The following TBPL1 variants were observed in gnomAD, a reference collection of about 807,000 sequenced individuals.
TBPL1 encodes TATA-box binding protein like 1.
TBPL1 carries 4 observed loss-of-function variants against 22.1 expected under a neutral mutation model. The ratio of observed to expected loss-of-function variants is 0.18; its 90% CI spans 0.09 to 0.41. The LOEUF is 0.41. Among genes scored for constraint, TBPL1 ranks in the 10% least tolerant of loss-of-function variants. The pLI is 1.00. For missense variants in TBPL1, 115 were observed against 222.3 expected, an observed-to-expected ratio of 0.52 and a Z score of 3.07; for synonymous variants, 64 against 71.0, an observed-to-expected ratio of 0.90 and a Z score of 0.50.
rs191921158 is a variant in TBPL1 at position 133,958,852 on chromosome 6, G to T, written c.-45+5427G>T. Among the ~76,000 whole-genome samples the T allele has an allele frequency of 4.6e-5, 7 of 152,162 alleles. No homozygotes were observed. In the East Asian group the frequency reaches 5.8e-4, roughly 13 times the overall value. ...ATAATTCCTTCTTCCATGTTGTGCT[G>T]GTTTTGTTTATTTGTTTCAGCTGGT... On this transcript the variant is annotated intron_variant, in intron 1 of 6. Transcript: ENST00000237264.
intron 1 of TBPL1, among the ~76,000 whole-genome samples, chr6:133,975,604 G>C (rs952471375): frequency 6.6e-6 from 1 of 152,046 alleles, no homozygotes; most frequent in Non-Finnish European, 1.5e-5. Flanking sequence ...ATACAAGAAA[G>C]GAAGAGTATA....
intron 1 of TBPL1, among the ~76,000 whole-genome samples, chr6:133,967,155 T>C (rs1776134333): frequency 6.6e-6 from 1 of 152,220 alleles, no homozygotes; most frequent in Admixed American, 6.5e-5. Context: ...ATCTGCTGTT[T>C]CCTGAACCGA....
At chr6:133,986,669 T>C (rs528873758) in intron 6 of TBPL1, among the ~76,000 whole-genome samples, 2 of 152,354 alleles carry the variant, frequency 1.3e-5, no homozygotes, top group South Asian at 4.1e-4. Context: ...TCCTTTCATG[T>C]ACATATTATA....
At chr6:133,976,147 CTT>C (rs931561379) in intron 1 of TBPL1, among the ~76,000 whole-genome samples, 10 of 152,192 alleles carry the variant, frequency 6.6e-5, no homozygotes, top group Admixed American at 5.2e-4. Context: ...ATCGTTAACT[CTT>C]TTGCATTCAG....
chr6:133,959,435 G>A (rs1775983134), intron 1 of TBPL1, among the ~76,000 whole-genome samples: 1 of 152,100 alleles, frequency 6.6e-6, no homozygotes, highest in South Asian at 2.1e-4. Flanking sequence ...ACAAAGTTCT[G>A]TCTAACACAT....
At chr6:133,986,907 T>C in intron 6 of TBPL1, 54 bp from the exon 7 acceptor site, 2 of 1,267,046 alleles carry the variant, frequency 1.6e-6, no homozygotes, top group South Asian at 1.4e-5. Flanking sequence ...CAGTTTTTCC[T>C]AGTGCTCCCT....
intron 1 of TBPL1, among the ~76,000 whole-genome samples, chr6:133,964,675 C>T (rs1015098680): frequency 1.3e-5 from 2 of 152,060 alleles, no homozygotes; most frequent in African/African-American, 4.8e-5. Context: ...GTCTCGATCT[C>T]CTGACCTCGT....
At chr6:133,981,116 G>A (rs1014572977) in intron 2 of TBPL1, among the ~76,000 whole-genome samples, 1 of 151,920 alleles carries the variant, frequency 6.6e-6, no homozygotes, top group Non-Finnish European at 1.5e-5. Context: ...AGGATTACAG[G>A]TGCACACCAC....
At position 133,990,050 on chromosome 6, in the gene TBPL1, GAAGT is replaced by G. The variant is rs200398397; in HGVS notation, c.*3014_*3017del. ...TAACAAGTCTTTAAAATCAACTGGA[GAAGT>G]AAGAGAACAGTTCATCGTTGTGTGG... On this transcript the variant is annotated 3_prime_UTR_variant, in exon 7 of 7. Transcript: ENST00000237264. The G allele has an allele frequency of 8.2e-3, 1,254 of 152,744 alleles. 34 individuals are homozygous for G. The highest frequency in any genetic ancestry group is 0.061 in the Admixed American group (935 of 15,306). The allele number at this position is 152,744 out of a possible 1,614,324, so 9.5% of individuals were successfully genotyped here.
chr6:133,968,133 C>T (rs866826065), intron 1 of TBPL1, among the ~76,000 whole-genome samples: 7 of 151,798 alleles, frequency 4.6e-5, no homozygotes, highest in Non-Finnish European at 8.8e-5. Context: ...GGACTACAGG[C>T]GCGTGCCACC....
chr6:133,973,817 C>T (rs1043240369), intron 1 of TBPL1, among the ~76,000 whole-genome samples: 7 of 152,092 alleles, frequency 4.6e-5, no homozygotes, highest in African/African-American at 1.7e-4. Flanking sequence ...ACAAATCACA[C>T]TAAGCCATTT....
chr6:133,975,658 A>G (rs1776300899), intron 1 of TBPL1, among the ~76,000 whole-genome samples: 2 of 152,246 alleles, frequency 1.3e-5, no homozygotes. Flanking sequence ...AGCAAACCAG[A>G]TTCATCAATA....
chr6:133,961,268 T>G (rs1562655929), intron 1 of TBPL1, among the ~76,000 whole-genome samples: 1 of 152,100 alleles, frequency 6.6e-6, no homozygotes, highest in Non-Finnish European at 1.5e-5. Flanking sequence ...TGCCAGCAAT[T>G]CAGCCAAGTT....
chr6:133,953,113 G>C (rs1775862351), upstream of TBPL1: 1 of 152,342 alleles, frequency 6.6e-6, no homozygotes, highest in Non-Finnish European at 1.5e-5. Context: ...GAAATGAGTG[G>C]CTAGCGAGGC....
At position 133,956,279 on chromosome 6, in the gene TBPL1, A is replaced by G. The variant is rs1233305931; in HGVS notation, c.-45+2854A>G. ...ATTTTAGCTGTATTGTGACATTCGAACTAATAAAGATTCCCTGAAACTTAA... is the reference window on the plus strand; with the variant it reads ...ATTTTAGCTGTATTGTGACATTCGAGCTAATAAAGATTCCCTGAAACTTAA... On this transcript the variant is annotated intron_variant, in intron 1 of 6. Coordinates refer to ENST00000237264, the MANE Select transcript of TBPL1 (RefSeq NM_004865.4). Among the ~76,000 whole-genome samples the G allele has an allele frequency of 2.2e-4, 33 of 152,180 alleles. 1 individual carries two copies. Among genetic ancestry groups the G allele is most frequent in the Non-Finnish European group, 7.4e-5 (5 of 68,022 alleles).
At position 133,982,800 on chromosome 6, in the gene TBPL1, T is replaced by C; in HGVS notation, c.219-17T>C. 1.2e-6 allele frequency: 2 copies of C among 1,606,854 alleles called. No homozygotes were observed. The highest frequency in any genetic ancestry group is 1.1e-5 in the South Asian group (1 of 88,880). ...TCCTGTGTAACTGATAATCTTTTTC[T>C]TTCCTTAAAACCGTAGTGAAGAAGA... On this transcript the variant is annotated splice_polypyrimidine_tract_variant and intron_variant, in intron 3 of 6. Transcript: ENST00000237264.
chr6:133,977,173 T>C (rs1282693111), intron 1 of TBPL1, among the ~76,000 whole-genome samples: 1 of 152,094 alleles, frequency 6.6e-6, no homozygotes, highest in African/African-American at 2.4e-5. Flanking sequence ...ATGTGATCTT[T>C]TATGTAGGTT....
chr6:133,987,177 C>G lies in TBPL1; in HGVS notation c.*137C>G, dbSNP rs1776542806. The G allele has an allele frequency of 2.0e-6, 1 of 501,190 alleles. No homozygotes were observed. The highest frequency in any genetic ancestry group is 3.4e-6 in the Non-Finnish European group (1 of 292,436). 31.0% of individuals were successfully genotyped at this position (501,190 alleles called of 1,614,324 possible). ...TCATTCACGGCTACAGTGTAAGCTC[C>G]AGTCCCTTTGGATTTTATTCCAAAC... On this transcript the variant is annotated 3_prime_UTR_variant, in exon 7 of 7. Coordinates refer to ENST00000237264, the MANE Select transcript of TBPL1 (RefSeq NM_004865.4).
intron 1 of TBPL1, among the ~76,000 whole-genome samples, chr6:133,955,099 T>G (rs1775904598): frequency 6.6e-6 from 1 of 151,890 alleles, no homozygotes; most frequent in Non-Finnish European, 1.5e-5. Context: ...TTTGTAGCAG[T>G]TCTGTGAAGG....
Sources: gnomAD v4.1 joint callset for allele counts (sites outside exome capture counted in the v4.1 genomes callset) on GRCh38, gnomAD v4.1.1 for gene constraint, MANE v1.5 for transcripts, NCBI Gene and HGNC (gene_info 2026-07-23, HGNC 2026-07-21) for gene names.